SLIT3: variants seen among roughly 807,000 people sequenced by gnomAD.
The protein encoded by SLIT3 is slit homolog 3 protein.
In SLIT3, 68 loss-of-function variants were observed where a neutral mutation model predicts 184.0. That is an observed-to-expected ratio of 0.37 (90% CI 0.30 to 0.45). The LOEUF (loss-of-function observed/expected upper bound fraction) is 0.45, where lower values mean the gene tolerates loss of function less well. Ranked by LOEUF, SLIT3 falls within the 20% of genes least tolerant of loss-of-function variation. The pLI is 1.00. For missense variants in SLIT3, 1,707 were observed against 2,026.0 expected (o/e 0.84, Z 3.02); for synonymous variants, 831 against 828.6 (o/e 1.00, Z -0.05).
intron 4 of SLIT3, among the ~76,000 whole-genome samples, chr5:169,167,452 T>G (rs1443923565): frequency 6.6e-6 from 1 of 151,150 alleles, no homozygotes; most frequent in Non-Finnish European, 1.5e-5. Flanking sequence ...CTTTTTTTTG[T>G]TTTTTAGTAG....
intron 4 of SLIT3, among the ~76,000 whole-genome samples, chr5:169,114,450 T>C (rs1760570747): frequency 6.6e-6 from 1 of 152,204 alleles, no homozygotes; most frequent in Non-Finnish European, 1.5e-5. Flanking sequence ...TCAACACTAT[T>C]CTACACTGTC....
chr5:169,244,902 G>A (rs2113580435), intron 2 of SLIT3, 126 bp from the exon 3 acceptor site: 1 of 797,320 alleles, frequency 1.3e-6, no homozygotes, highest in Non-Finnish European at 2.1e-6. Context: ...CTTCAACTGG[G>A]ATCAGTCTGA....
chr5:169,244,846 C>A (rs1765534511), intron 2 of SLIT3, 70 bp from the exon 3 acceptor site: 5 of 1,331,490 alleles, frequency 3.8e-6, no homozygotes, highest in Middle Eastern at 1.8e-4. Context: ...AGGCTTCATG[C>A]CATGCAGGCA....
chr5:169,283,699 C>T (rs1767065623), intron 1 of SLIT3, among the ~76,000 whole-genome samples: 1 of 152,172 alleles, frequency 6.6e-6, no homozygotes, highest in Admixed American at 6.5e-5. Flanking sequence ...AAGTCAAACT[C>T]AGCAAAAATC....
At chr5:168,763,270 G>A (rs568247088) in intron 14 of SLIT3, among the ~76,000 whole-genome samples, 2 of 152,210 alleles carry the variant, frequency 1.3e-5, no homozygotes, top group South Asian at 4.2e-4. Flanking sequence ...ATCGACGCCT[G>A]GCTGTAAGAT....
intron 4 of SLIT3, among the ~76,000 whole-genome samples, chr5:169,085,494 A>G (rs1311690390): frequency 6.6e-6 from 1 of 152,238 alleles, no homozygotes; most frequent in Non-Finnish European, 1.5e-5. Flanking sequence ...TGCTCTACTC[A>G]GAGATAAACT....
chr5:168,868,759 A>AG, intron 5 of SLIT3, among the ~76,000 whole-genome samples: 1 of 149,646 alleles, frequency 6.7e-6, no homozygotes, highest in African/African-American at 2.5e-5. Context: ...AAAAAAAAAA[A>AG]AAAAAAAGAA....
intron 4 of SLIT3, among the ~76,000 whole-genome samples, chr5:168,897,639 G>T (rs1760714762): frequency 3.7e-5 from 1 of 26,850 alleles, no homozygotes; most frequent in African/African-American, 7.1e-5. Context: ...GATGGAGACA[G>T]GTGCACGTAC....
At chr5:169,074,922 A>G (rs920004119) in intron 4 of SLIT3, among the ~76,000 whole-genome samples, 3 of 152,136 alleles carry the variant, frequency 2.0e-5, no homozygotes, top group Non-Finnish European at 4.4e-5. Flanking sequence ...GGAAGACAGA[A>G]GGTGCACTCT....
chr5:169,153,692 G>A (rs557601689), intron 4 of SLIT3, among the ~76,000 whole-genome samples: 28 of 152,396 alleles, frequency 1.8e-4, no homozygotes, highest in Admixed American at 1.7e-3. Context: ...CTCTTGGGCA[G>A]AGGGGATGTT....
chr5:168,668,642 G>A (rs1453753193), intron 35 of SLIT3, among the ~76,000 whole-genome samples: 3 of 152,228 alleles, frequency 2.0e-5, no homozygotes, highest in Non-Finnish European at 2.9e-5. Flanking sequence ...CTGGGCTGGA[G>A]TGCAGTGGTG....
At position 168,687,038 on chromosome 5, in the gene SLIT3, G is replaced by A. The variant is rs143708971; in HGVS notation, c.3255C>T (p.His1085=). The part of the protein sequence containing the change: ...NDDCVAHKCR[H]GAQCVDTING... ...TGATTGTGTCCACGCACTGGGCCCC[G>A]TGGCGGCACTTGTGGGCCACACAGT... The change falls in exon 30 of 36, where the codon CAC becomes CAT. Residue 1085 remains histidine, a synonymous_variant. Coordinates refer to ENST00000519560, the MANE Select transcript of SLIT3 (RefSeq NM_003062.4). 6.0e-5 allele frequency: 97 copies of A among 1,614,274 alleles called. No individual in the cohort carries two copies. The highest frequency in any genetic ancestry group is 3.3e-4 in the African/African-American group (25 of 75,068).
At chr5:168,780,282 G>A (rs1755924108) in intron 12 of SLIT3, among the ~76,000 whole-genome samples, 1 of 152,236 alleles carries the variant, frequency 6.6e-6, no homozygotes, top group Non-Finnish European at 1.5e-5. Context: ...CTGGTGCCAA[G>A]AAAGAATGCA....
chr5:168,710,338 T>C (rs1762513738), intron 25 of SLIT3: 1 of 152,228 alleles, frequency 6.6e-6, no homozygotes, highest in Non-Finnish European at 1.5e-5. Flanking sequence ...ATCATTCCTG[T>C]TGCATACAAA....
rs775107434 is a variant in SLIT3 at position 168,685,855 on chromosome 5, C to T, written c.3387G>A (p.Gln1129=). 2.5e-6 allele frequency: 4 copies of T among 1,613,862 alleles called. No homozygotes were observed. In the South Asian group the frequency reaches 4.4e-5, roughly 18 times the overall value. Residue 1129 remains glutamine (Q), a synonymous_variant, in exon 31 of 36, where the codon CAG becomes CAA. Coordinates refer to ENST00000519560, the MANE Select transcript of SLIT3 (RefSeq NM_003062.4). The stretch of plus-strand genomic sequence containing the variant: ...GCACCACGATGCACTGGGCCCCGTT[C>T]TGGCACTCGTACTGGTCGCATGGGC... ...QTSPCDQYEC[Q]NGAQCIVVQQ... is the part of the protein sequence containing the mutation.
chr5:168,971,794 T>C (rs1754585765), intron 4 of SLIT3, among the ~76,000 whole-genome samples: 1 of 152,176 alleles, frequency 6.6e-6, no homozygotes, highest in Admixed American at 6.6e-5. Context: ...GGAAAACCTT[T>C]CCACCTTCTC....
At chr5:168,783,892 A>G (rs1020018184) in intron 12 of SLIT3, among the ~76,000 whole-genome samples, 7 of 152,034 alleles carry the variant, frequency 4.6e-5, no homozygotes, top group Admixed American at 3.9e-4. Context: ...ACCCCAAGCT[A>G]CTCGATTCCA....
chr5:168,752,726 A>G (rs1754759171), intron 18 of SLIT3: 2 of 540,208 alleles, frequency 3.7e-6, no homozygotes, highest in Non-Finnish European at 6.6e-6. Context: ...CACTGTGGAC[A>G]TGCTTTCTGT....
chr5:168,920,439 A>G (rs538426870), intron 4 of SLIT3, among the ~76,000 whole-genome samples: 1 of 152,142 alleles, frequency 6.6e-6, no homozygotes, highest in Non-Finnish European at 1.5e-5. Flanking sequence ...AATTTTGCTG[A>G]GAGCAGGGGC....
Sources: gnomAD v4.1 joint callset for allele counts (sites outside exome capture counted in the v4.1 genomes callset) on GRCh38, gnomAD v4.1.1 for gene constraint, MANE v1.5 for transcripts, NCBI Gene and HGNC (gene_info 2026-07-23, HGNC 2026-07-21) for gene names.